SPMIP8: variants seen among roughly 807,000 people sequenced by gnomAD.
SPMIP8 encodes testicular tissue protein Li 196.
the SPMIP8 span, chr16:57,985,631 C>T: frequency 6.0e-6 from 9 of 1,493,426 alleles, no homozygotes; most frequent in Non-Finnish European, 8.0e-6. Context: ...ACAGGCAATG[C>T]CCCTTGAAAA....
chr16:57,985,975 A>G, the SPMIP8 span: 1 of 1,587,234 alleles, frequency 6.3e-7, no homozygotes, highest in Non-Finnish European at 8.6e-7. Flanking sequence ...CCCACAGCCA[A>G]CCACGTTCTC....
At chr16:57,985,954 T>A in the SPMIP8 span, 2 of 1,607,578 alleles carry the variant, frequency 1.2e-6, no homozygotes, top group Admixed American at 3.4e-5. Flanking sequence ...AGGGGAACGG[T>A]CCTGTCCCGC....
At chr16:57,987,181 A>G in the SPMIP8 span, 20 of 431,376 alleles carry the variant, frequency 4.6e-5, no homozygotes, top group South Asian at 4.3e-4. Context: ...TTAGGTATCA[A>G]TGGGAGAGAA....
chr16:57,986,105 T>A, the SPMIP8 span: 1 of 813,110 alleles, frequency 1.2e-6, no homozygotes, highest in Non-Finnish European at 1.8e-6. Context: ...TCTGGAGAGA[T>A]CCGCCCCTGG....
chr16:57,985,853 G>T, the SPMIP8 span: 14 of 1,569,762 alleles, frequency 8.9e-6, no homozygotes, highest in African/African-American at 1.1e-4. Context: ...CGAGTGAGGC[G>T]CCCAGAGAGG....
the SPMIP8 span, chr16:57,984,648 A>G: frequency 1.9e-6 from 3 of 1,587,018 alleles, no homozygotes; most frequent in Non-Finnish European, 2.6e-6. Flanking sequence ...CATCACCGCC[A>G]CAGGCCAGAA....
chr16:57,987,799 C>A, the SPMIP8 span: 2 of 219,236 alleles, frequency 9.1e-6, no homozygotes, highest in African/African-American at 2.3e-5. Context: ...CCTGCAGCCC[C>A]ACACCCAAGC....
chr16:57,987,840 C>G, the SPMIP8 span: 1 of 178,072 alleles, frequency 5.6e-6, no homozygotes, highest in African/African-American at 2.3e-5. Flanking sequence ...AATTTGAGCC[C>G]TAAGAAGAAA....
At chr16:57,984,176 T>G in the SPMIP8 span, 2 of 843,562 alleles carry the variant, frequency 2.4e-6, no homozygotes, top group South Asian at 1.4e-5. Context: ...AGTGCTGGGA[T>G]TACAGGTGTG....
chr16:57,985,165 G>GT, the SPMIP8 span: 1 of 1,434,612 alleles, frequency 7.0e-7, no homozygotes, highest in East Asian at 2.5e-5. Flanking sequence ...TTGTCCTGGG[G>GT]GGGGGCGGAT....
chr16:57,979,529 T>A, the SPMIP8 span, among the ~76,000 whole-genome samples: 1 of 152,192 alleles, frequency 6.6e-6, no homozygotes, highest in Non-Finnish European at 1.5e-5. Context: ...AAAGCTCTGA[T>A]GTAGATATGT....
At chr16:57,978,107 T>C in the SPMIP8 span, 3 of 1,517,054 alleles carry the variant, frequency 2.0e-6, no homozygotes, top group Non-Finnish European at 2.7e-6. Context: ...GGGAGACAGA[T>C]GCAAGGATGA....
chr16:57,977,197 G>A, the SPMIP8 span, among the ~76,000 whole-genome samples: 3 of 152,002 alleles, frequency 2.0e-5, no homozygotes, highest in African/African-American at 4.8e-5. Context: ...ATCACTTGAG[G>A]TCAGGAGTTC....
chr16:57,976,677 G>A, the SPMIP8 span: 16 of 1,605,256 alleles, frequency 1.0e-5, 1 homozygote, highest in South Asian at 6.6e-5. Context: ...CCCCATATCC[G>A]TGATCCCCCT....
the SPMIP8 span, chr16:57,976,773 T>A: frequency 9.9e-7 from 1 of 1,010,442 alleles, no homozygotes; most frequent in Non-Finnish European, 1.4e-6. Flanking sequence ...CTCCATGATC[T>A]AAGGTCCTCT....
At chr16:57,985,443 C>T in the SPMIP8 span, 35 of 1,613,530 alleles carry the variant, frequency 2.2e-5, no homozygotes, top group Middle Eastern at 4.9e-4. Flanking sequence ...TCCGTGCTCC[C>T]CCGACTCACC....
the SPMIP8 span, chr16:57,987,506 G>A: frequency 2.7e-6 from 4 of 1,481,106 alleles, no homozygotes; most frequent in African/African-American, 1.4e-5. Flanking sequence ...ACTTATGGTG[G>A]CACCAGCCAT....
chr16:57,985,276 C>T, the SPMIP8 span: 2 of 1,554,678 alleles, frequency 1.3e-6, no homozygotes, highest in Non-Finnish European at 1.7e-6. Context: ...GGGTAGGGAG[C>T]GCTGCGCGCA....
chr16:57,978,489 G>A, the SPMIP8 span, among the ~76,000 whole-genome samples: 14 of 151,654 alleles, frequency 9.2e-5, no homozygotes, highest in African/African-American at 2.9e-4. Context: ...GCAGTGAGCC[G>A]AGATCACATC....
Sources: allele counts gnomAD v4.1 joint callset (sites outside exome capture counted in the v4.1 genomes callset), GRCh38; gene constraint gnomAD v4.1.1; transcripts MANE v1.5; gene names NCBI Gene and HGNC (gene_info 2026-07-23, HGNC 2026-07-21).